Variants in SHANK2 observed in about 807,000 individuals in gnomAD.
SHANK2 encodes SH3 and multiple ankyrin repeat domains protein 2.
A neutral mutation model predicts 133.7 loss-of-function variants in SHANK2; 43 were observed. The ratio of observed to expected loss-of-function variants is 0.32; its 90% CI spans 0.25 to 0.41. The LOEUF (loss-of-function observed/expected upper bound fraction) is 0.41, where lower values mean the gene tolerates loss of function less well. Ranked by LOEUF, SHANK2 falls within the 10% of genes least tolerant of loss-of-function variation. The probability of loss-of-function intolerance (pLI) is 1.00; values close to 1 mark genes in which losing one functional copy is unlikely to be tolerated. For synonymous variants in SHANK2, 1,017 were observed against 952.8 expected, an observed-to-expected ratio of 1.07 and a Z score of -1.24; for missense variants, 1,994 against 2,235.8, an observed-to-expected ratio of 0.89 and a Z score of 2.18.
intron 17 of SHANK2, among the ~76,000 whole-genome samples, chr11:70,641,284 G>A (rs1308854812): frequency 6.6e-6 from 1 of 151,996 alleles, no homozygotes; most frequent in Non-Finnish European, 1.5e-5. Flanking sequence ...TAGTAGAGAT[G>A]GGGTTTCACC....
At chr11:70,728,822 T>C (rs1946225065) in intron 14 of SHANK2, among the ~76,000 whole-genome samples, 1 of 152,198 alleles carries the variant, frequency 6.6e-6, no homozygotes, top group Non-Finnish European at 1.5e-5. Flanking sequence ...TAAGGAGGCC[T>C]GCAGCTAAAC....
intron 10 of SHANK2, among the ~76,000 whole-genome samples, chr11:70,915,764 T>G (rs1950261179): frequency 6.6e-6 from 1 of 152,232 alleles, no homozygotes; most frequent in African/African-American, 2.4e-5. Flanking sequence ...GGGGACTCCC[T>G]TGAGGCTTGC....
chr11:70,947,176 C>T (rs553721867), intron 10 of SHANK2, among the ~76,000 whole-genome samples: 16 of 139,436 alleles, frequency 1.1e-4, no homozygotes, highest in African/African-American at 4.0e-4. Context: ...CACACACACA[C>T]ACACACACAC....
intron 15 of SHANK2, among the ~76,000 whole-genome samples, chr11:70,680,438 C>T (rs1382681163): frequency 2.6e-5 from 4 of 152,146 alleles, no homozygotes; most frequent in Non-Finnish European, 4.4e-5. Flanking sequence ...GTGGCCACCA[C>T]GTTCCCTGAC....
chr11:70,913,131 G>T (rs916681735), intron 10 of SHANK2, among the ~76,000 whole-genome samples: 2 of 150,772 alleles, frequency 1.3e-5, no homozygotes, highest in Admixed American at 1.3e-4. Flanking sequence ...CAGCCTCCTG[G>T]TATGTTTATA....
In SHANK2 at chr11:70,473,470, A is replaced by G. The variant is rs1289209095; in HGVS notation, c.4980-31T>C. ...ACAGCAACACAGAGAAAACCATCAC[A>G]AGGCAGGTCACCGAGTCAGGGCAGC... On this transcript the variant is annotated intron_variant, in intron 25 of 25. Transcript: ENST00000601538. This position sits in a 1 kb window ranked among gnomAD's most constrained non-coding sequence, Gnocchi z 5.9. 1.3e-6 allele frequency: 2 copies of G among 1,597,680 alleles called. No homozygotes were observed. Among genetic ancestry groups the G allele is most frequent in the Non-Finnish European group, 1.7e-6 (2 of 1,178,106 alleles).
chr11:71,221,899 A>G (rs1954548717), intron 2 of SHANK2, among the ~76,000 whole-genome samples: 1 of 152,090 alleles, frequency 6.6e-6, no homozygotes, highest in Non-Finnish European at 1.5e-5. Context: ...TTCATGATCA[A>G]TGAATGGGGG....
At position 71,132,579 on chromosome 11, in the gene SHANK2, G is replaced by C. The variant is rs139404297; in HGVS notation, c.208-13547C>G. On this transcript the variant is annotated intron_variant, in intron 3 of 25. Coordinates refer to ENST00000601538, the MANE Select transcript of SHANK2 (RefSeq NM_012309.5). ...TCAAGACGTTTTATGTGCAGGCTAC[G>C]GAGACCCTGCAAACTGGGCCAATCT... Among the ~76,000 whole-genome samples, 89 of 152,296 alleles carry C rather than the reference G, an allele frequency of 5.8e-4. 1 individual carries two copies. Among genetic ancestry groups the C allele is most frequent in the African/African-American group, 2.0e-3 (84 of 41,560 alleles).
At chr11:70,886,034 G>A (rs984359750) in intron 11 of SHANK2, among the ~76,000 whole-genome samples, 5 of 152,130 alleles carry the variant, frequency 3.3e-5, no homozygotes, top group Non-Finnish European at 4.4e-5. Context: ...AGTGGCAGAC[G>A]AACAACAGAG....
At chr11:70,942,756 T>A (rs1043597881) in intron 10 of SHANK2, 5 of 456,292 alleles carry the variant, frequency 1.1e-5, no homozygotes, top group Admixed American at 2.3e-5. Flanking sequence ...ACCTTTTGCA[T>A]TTCACAAGCC....
chr11:70,629,874 C>T (rs868986706), intron 17 of SHANK2, among the ~76,000 whole-genome samples: 15 of 152,188 alleles, frequency 9.9e-5, no homozygotes, highest in Admixed American at 1.3e-4. Flanking sequence ...ATTCTAGTCC[C>T]CTTCCTCACT....
At chr11:71,187,374 CATGTT>C (rs1953695302) in intron 2 of SHANK2, among the ~76,000 whole-genome samples, 1 of 151,566 alleles carries the variant, frequency 6.6e-6, no homozygotes, top group African/African-American at 2.4e-5. Context: ...ATGGGTTTCT[CATGTT>C]TTGTTTGGAG....
chr11:71,137,802 A>G (rs10792488), intron 3 of SHANK2, among the ~76,000 whole-genome samples: 59,194 of 152,030 alleles, frequency 0.39, 12,521 homozygotes, highest in East Asian at 0.52. Flanking sequence ...CAAGCTGCCA[A>G]TCTCTCAGGC....
intron 12 of SHANK2, among the ~76,000 whole-genome samples, chr11:70,814,827 G>A (rs1042770554): frequency 7.2e-5 from 11 of 152,210 alleles, no homozygotes; most frequent in Non-Finnish European, 1.3e-4. Context: ...GGAGAGGGTG[G>A]CCAGGACATT....
intron 2 of SHANK2, among the ~76,000 whole-genome samples, chr11:71,172,426 C>T (rs1953334273): frequency 6.6e-6 from 1 of 151,808 alleles, no homozygotes; most frequent in African/African-American, 2.4e-5. Context: ...GGTGACACCC[C>T]ATCTCTACTA....
chr11:70,667,603 CT>C (rs1300680413), intron 15 of SHANK2, among the ~76,000 whole-genome samples: 1 of 152,210 alleles, frequency 6.6e-6, no homozygotes, highest in African/African-American at 2.4e-5. Context: ...TGCACTTTCC[CT>C]GGTCCAGCGG....
At chr11:70,482,008 TC>T (rs2058740184) in intron 25 of SHANK2, among the ~76,000 whole-genome samples, 1 of 152,226 alleles carries the variant, frequency 6.6e-6, no homozygotes, top group African/African-American at 2.4e-5. Flanking sequence ...CTTGTCCTTG[TC>T]AGTGTGTCCC....
At chr11:71,136,544 C>T (rs1440541449) in intron 3 of SHANK2, among the ~76,000 whole-genome samples, 10 of 152,292 alleles carry the variant, frequency 6.6e-5, no homozygotes, top group Non-Finnish European at 8.8e-5. Context: ...ATTCAGGTGA[C>T]GGTCACACGA....
chr11:70,902,144 C>T (rs1175808646), intron 10 of SHANK2, among the ~76,000 whole-genome samples: 1 of 152,218 alleles, frequency 6.6e-6, no homozygotes, highest in African/African-American at 2.4e-5. Context: ...CACTGGACAG[C>T]AGAGCAGCAG....
Sources: allele counts gnomAD v4.1 joint callset (sites outside exome capture counted in the v4.1 genomes callset), GRCh38; gene constraint gnomAD v4.1.1; non-coding constraint Gnocchi (gnomAD v3.1); transcripts MANE v1.5; gene names NCBI Gene and HGNC (gene_info 2026-07-23, HGNC 2026-07-21).